The following FNDC1 variants were observed in gnomAD, a reference collection of about 807,000 sequenced individuals.
FNDC1 encodes the protein fibronectin type III domain containing 1, also known as fibronectin type III domain-containing protein 1.
A neutral mutation model predicts 168.0 loss-of-function variants in FNDC1; 96 were observed. The observed-to-expected ratio is 0.57, with a 90% confidence interval of 0.48 to 0.68. The LOEUF (loss-of-function observed/expected upper bound fraction) is 0.68, where lower values mean the gene tolerates loss of function less well. Among genes scored for constraint, FNDC1 ranks in the 30% least tolerant of loss-of-function variants. The probability of loss-of-function intolerance (pLI) is 0.00; values close to 1 mark genes in which losing one functional copy is unlikely to be tolerated. For synonymous variants in FNDC1, 1,099 were observed against 1,025.9 expected, an observed-to-expected ratio of 1.07 and a Z score of -1.36; for missense variants, 2,587 against 2,482.1, an observed-to-expected ratio of 1.04 and a Z score of -0.90.
intron 14 of FNDC1, among the ~76,000 whole-genome samples, chr6:159,242,845 T>G (rs550700715): frequency 6.6e-6 from 1 of 152,380 alleles, no homozygotes; most frequent in East Asian, 1.9e-4. Flanking sequence ...TTTTCAAGAT[T>G]CATTCACATT....
intron 18 of FNDC1, among the ~76,000 whole-genome samples, chr6:159,257,015 T>C (rs1777388778): frequency 6.6e-6 from 1 of 152,242 alleles, no homozygotes; most frequent in Admixed American, 6.5e-5. Flanking sequence ...AATGAACTCG[T>C]TCCCAAACTC....
At chr6:159,182,235 C>A (rs569545713) in intron 1 of FNDC1, among the ~76,000 whole-genome samples, 1 of 152,144 alleles carries the variant, frequency 6.6e-6, no homozygotes, top group Non-Finnish European at 1.5e-5. Context: ...AACAAGCATG[C>A]GGAATCTGAC....
intron 15 of FNDC1, 67 bp from the exon 16 acceptor site, chr6:159,248,972 T>C: frequency 6.9e-7 from 1 of 1,453,344 alleles, no homozygotes; most frequent in Non-Finnish European, 9.3e-7. Context: ...TAAGAAGGTA[T>C]CATTTGACTA....
intron 1 of FNDC1, among the ~76,000 whole-genome samples, chr6:159,190,077 C>T (rs763947251): frequency 3.9e-5 from 6 of 152,148 alleles, no homozygotes; most frequent in Admixed American, 6.5e-5. Context: ...CATCTTTAAT[C>T]CCAGGAAGAT....
intron 9 of FNDC1, among the ~76,000 whole-genome samples, chr6:159,229,134 T>C (rs768884974): frequency 7.7e-6 from 1 of 130,486 alleles, no homozygotes; most frequent in Non-Finnish European, 1.5e-5. Context: ...TTCCTTGAAC[T>C]GAATTTGCTT....
At chr6:159,186,857 G>T (rs940704016) in intron 1 of FNDC1, among the ~76,000 whole-genome samples, 1 of 152,236 alleles carries the variant, frequency 6.6e-6, no homozygotes, top group African/African-American at 2.4e-5. Flanking sequence ...TCTTTGAGAT[G>T]ATGAAGAAAA....
intron 10 of FNDC1, among the ~76,000 whole-genome samples, chr6:159,230,345 C>T (rs1297902069): frequency 1.3e-5 from 2 of 152,108 alleles, no homozygotes; most frequent in African/African-American, 4.8e-5. Flanking sequence ...CAGCTCTCTT[C>T]AATTTCTATG....
In FNDC1 at chr6:159,220,795, C is replaced by T. The variant is rs9457570; in HGVS notation, c.668-803C>T. ...CAGACTCAAGACCCTGCAGAATCCA[C>T]GTACAGTAAAGGCTGGCCCTCCCTG... On this transcript the variant is annotated intron_variant, in intron 5 of 22. Transcript: ENST00000297267. 3.3e-5 allele frequency among the ~76,000 whole-genome samples: 5 copies of T among 152,336 alleles called. No individual in the cohort carries two copies. The South Asian group carries it at 8.3e-4, about 25-fold the overall frequency.
rs779569836 is a variant in FNDC1 at position 159,232,470 on chromosome 6, C to T, written c.1958C>T (p.Ala653Val). ...GTGGACTCAGACGAAGATGAGCGCG[C>T]TGTGGGCTCCCTCCACCCCAAGGGC... The part of the protein sequence containing the change: ...DLVDSDEDER[A>V]VGSLHPKGAF... Residue 653 changes from alanine to valine, a missense_variant, in exon 11 of 23, where the codon GCT becomes GTT. Ala to Val is a moderately conservative substitution (Grantham distance 64). Coordinates refer to ENST00000297267, the MANE Select transcript of FNDC1 (RefSeq NM_032532.3). The surrounding 1 kb of genome is among the most constrained non-coding windows in gnomAD (Gnocchi z 4.9). 22 of 1,612,144 alleles carry T rather than the reference C, an allele frequency of 1.4e-5. No homozygotes were observed. In the Admixed American group the frequency reaches 3.2e-4, roughly 23 times the overall value.
intron 17 of FNDC1, among the ~76,000 whole-genome samples, chr6:159,252,659 G>C (rs1467288833): frequency 2.0e-5 from 3 of 152,150 alleles, no homozygotes; most frequent in African/African-American, 7.2e-5. Flanking sequence ...CAAATAGAAT[G>C]CAAATCAATC....
At chr6:159,209,302 G>A (rs947751470) in intron 4 of FNDC1, among the ~76,000 whole-genome samples, 3 of 152,216 alleles carry the variant, frequency 2.0e-5, no homozygotes, top group Non-Finnish European at 4.4e-5. Context: ...ATAGACTTTG[G>A]TGAGAAGTTG....
chr6:159,266,129 G>C lies in FNDC1; in HGVS notation c.5330G>C (p.Ser1777Thr). The change falls in exon 21 of 23, where the codon AGC becomes ACC. Residue 1777 changes from serine (S) to threonine (T), a missense_variant. By Grantham distance (58) the Ser-to-Thr change is moderately conservative. Coordinates refer to ENST00000297267, the MANE Select transcript of FNDC1 (RefSeq NM_032532.3). The part of the protein sequence containing the change: ...WIPFAFKHDP[S>T]YTDCHGRQYV... Reference sequence around the variant, plus strand: ...CCATTCGCTTTCAAACATGATCCCAGCTACACGGACTGCCATGGACGGCAA... The same window carrying C: ...CCATTCGCTTTCAAACATGATCCCACCTACACGGACTGCCATGGACGGCAA... 2 of 1,613,966 alleles carry C rather than the reference G, an allele frequency of 1.2e-6. No homozygotes were observed. Among genetic ancestry groups the C allele is most frequent in the Non-Finnish European group, 1.7e-6 (2 of 1,179,852 alleles).
chr6:159,241,071 T>C (rs1161186128), intron 14 of FNDC1: 2 of 152,084 alleles, frequency 1.3e-5, no homozygotes, highest in Non-Finnish European at 2.9e-5. Flanking sequence ...TTGACACATC[T>C]AAAAAATTCA....
In FNDC1 at chr6:159,240,185, A is replaced by C. The variant is rs543403378; in HGVS notation, c.4621+228A>C. Among the ~76,000 whole-genome samples, 310 of 147,952 alleles carry C rather than the reference A, an allele frequency of 2.1e-3. 1 individual carries two copies. Among genetic ancestry groups the C allele is most frequent in the African/African-American group, 7.4e-3 (297 of 40,278 alleles). On this transcript the variant is annotated intron_variant, in intron 14 of 22. Coordinates refer to ENST00000297267, the MANE Select transcript of FNDC1 (RefSeq NM_032532.3). ...CATGGGACATATTTATATGAAAAAA[A>C]TTATTTCCTGTTCACTTAAAGTCAG...
chr6:159,189,657 G>T (rs554178536), intron 1 of FNDC1, among the ~76,000 whole-genome samples: 88 of 152,318 alleles, frequency 5.8e-4, no homozygotes, highest in African/African-American at 2.0e-3. Context: ...CCTCCTGGGC[G>T]TTGGAAAGAC....
intron 12 of FNDC1, among the ~76,000 whole-genome samples, chr6:159,238,206 T>C (rs1345839670): frequency 1.3e-5 from 2 of 151,806 alleles, no homozygotes; most frequent in East Asian, 3.9e-4. Flanking sequence ...CACGCCATTC[T>C]CCTGCCTCAG....
chr6:159,255,801 CA>C (rs1185726922), intron 17 of FNDC1, among the ~76,000 whole-genome samples: 1 of 152,192 alleles, frequency 6.6e-6, no homozygotes, highest in Non-Finnish European at 1.5e-5. Context: ...TCTGTGTACA[CA>C]TAAAAGACCT....
intron 10 of FNDC1, among the ~76,000 whole-genome samples, chr6:159,231,675 A>G (rs926216427): frequency 2.6e-5 from 4 of 152,342 alleles, no homozygotes; most frequent in Non-Finnish European, 5.9e-5. Flanking sequence ...TTCTAGGACT[A>G]TATTTGTTAC....
In FNDC1 at chr6:159,233,399, C is replaced by A. The variant is rs1165967289; in HGVS notation, c.2887C>A (p.His963Asn). The A allele has an allele frequency of 1.2e-6, 2 of 1,613,178 alleles. No homozygotes were observed. The highest frequency in any genetic ancestry group is 1.3e-5 in the African/African-American group (1 of 74,916). ...QQSTDADTEGHSPKAQPGSTD... is the reference protein window; with the variant it reads ...QQSTDADTEGNSPKAQPGSTD... ...GAGCACAGACGCGGACACGGAGGGT[C>A]ATTCTCCCAAAGCACAGCCAGGGTC... Residue 963 changes from histidine to asparagine, a missense_variant, in exon 11 of 23, where the codon CAT becomes AAT. Transcript: ENST00000297267. The surrounding 1 kb of genome is among the most constrained non-coding windows in gnomAD (Gnocchi z 4.6).
Sources: gnomAD v4.1 joint callset for allele counts (sites outside exome capture counted in the v4.1 genomes callset) on GRCh38, gnomAD v4.1.1 for gene constraint, Gnocchi (gnomAD v3.1) non-coding constraint, MANE v1.5 for transcripts, NCBI Gene and HGNC (gene_info 2026-07-23, HGNC 2026-07-21) for gene names.